INPP5A: variants seen among roughly 807,000 people sequenced by gnomAD.
INPP5A encodes 43 kDa inositol polyphosphate 5-phophatase.
In INPP5A, 14 loss-of-function variants were observed where a neutral mutation model predicts 65.2. That is an observed-to-expected ratio of 0.21 (90% CI 0.14 to 0.34). The LOEUF is 0.34. Ranked by LOEUF, INPP5A falls within the 10% of genes least tolerant of loss-of-function variation. The pLI is 1.00. For synonymous variants in INPP5A, 207 were observed against 208.3 expected (o/e 0.99, Z 0.05); for missense variants, 431 against 545.6 (o/e 0.79, Z 2.09).
chr10:132,736,420 A>G (rs542126965), intron 9 of INPP5A, among the ~76,000 whole-genome samples: 1 of 152,338 alleles, frequency 6.6e-6, no homozygotes, highest in East Asian at 1.9e-4. Context: ...CCAATCACTG[A>G]CAGGTACATG....
intron 9 of INPP5A, among the ~76,000 whole-genome samples, chr10:132,743,953 T>A (rs1254190405): frequency 6.6e-6 from 1 of 152,198 alleles, no homozygotes; most frequent in Non-Finnish European, 1.5e-5. Context: ...ATTCCATCCT[T>A]GGAACAGAGG....
chr10:132,712,211 GTGTGTGCATGCCTGAGTGTGCACACCT>G (rs1297693900), intron 8 of INPP5A, among the ~76,000 whole-genome samples: 3 of 152,096 alleles, frequency 2.0e-5, no homozygotes, highest in Non-Finnish European at 2.9e-5. Flanking sequence ...GTGCCTGTGC[GTGTGTGCATGCCTGAGTGTGCACACCT>G]TGTGTGCATG....
At chr10:132,731,896 A>G (rs1264871355) in intron 9 of INPP5A, among the ~76,000 whole-genome samples, 2 of 152,222 alleles carry the variant, frequency 1.3e-5, no homozygotes, top group African/African-American at 2.4e-5. Flanking sequence ...TGGCACCAGA[A>G]TTGGACACCA....
chr10:132,756,120 C>T (rs1043130545), intron 11 of INPP5A, among the ~76,000 whole-genome samples: 1 of 152,162 alleles, frequency 6.6e-6, no homozygotes, highest in Non-Finnish European at 1.5e-5. Flanking sequence ...TCCGCCTGGC[C>T]TGGAATTCCT....
chr10:132,754,728 C>T (rs1351283648), intron 11 of INPP5A, among the ~76,000 whole-genome samples: 1 of 152,262 alleles, frequency 6.6e-6, no homozygotes, highest in African/African-American at 2.4e-5. Flanking sequence ...CGAGGAATCC[C>T]ATTCAGTCCC....
chr10:132,703,557 C>CCA (rs1170063634), intron 6 of INPP5A, among the ~76,000 whole-genome samples: 3 of 148,330 alleles, frequency 2.0e-5, no homozygotes, highest in African/African-American at 7.6e-5. Flanking sequence ...GTGGCTTCAC[C>CCA]CACACACACA....
At chr10:132,702,108 C>G (rs140139004) in intron 6 of INPP5A, among the ~76,000 whole-genome samples, 1 of 152,340 alleles carries the variant, frequency 6.6e-6, no homozygotes, top group Admixed American at 6.5e-5. Context: ...TAAAATCCCT[C>G]GAAACATAGT....
At chr10:132,600,749 A>G (rs1433925799) in intron 1 of INPP5A, among the ~76,000 whole-genome samples, 1 of 152,254 alleles carries the variant, frequency 6.6e-6, no homozygotes, top group African/African-American at 2.4e-5. Context: ...GAATCATGAC[A>G]GGAGACAAAA....
Position 132,782,104 on chromosome 10 carries a change from C to T in INPP5A, c.*75C>T, listed in dbSNP as rs755647748. 1.3e-6 allele frequency: 2 copies of T among 1,537,954 alleles called. No homozygotes were observed. The highest frequency in any genetic ancestry group is 1.8e-6 in the Non-Finnish European group (2 of 1,138,644). On this transcript the variant is annotated 3_prime_UTR_variant, in exon 16 of 16. Transcript: ENST00000368594. This position sits in a 1 kb window ranked among gnomAD's most constrained non-coding sequence, Gnocchi z 4.4. Reference sequence around the variant, plus strand: ...CCTGTAGCCGTGGACCGAATACGCACTCTTGAAAGCTGCATCGAGAACCCG... The same window carrying T: ...CCTGTAGCCGTGGACCGAATACGCATTCTTGAAAGCTGCATCGAGAACCCG...
At chr10:132,618,621 G>A (rs576552870) in intron 2 of INPP5A, among the ~76,000 whole-genome samples, 3 of 152,204 alleles carry the variant, frequency 2.0e-5, no homozygotes, top group Non-Finnish European at 4.4e-5. Context: ...AGAAATACCC[G>A]AGACTGGGTA....
chr10:132,752,111 G>GTGCCCAGGAGGCATCTGGGTGGAGGCGGC (rs1846495969), intron 11 of INPP5A, among the ~76,000 whole-genome samples: 1 of 144,302 alleles, frequency 6.9e-6, no homozygotes, highest in South Asian at 2.2e-4. Context: ...GTGGAGGCGG[G>GTGCCCAGGAGGCATCTGGGTGGAGGCGGC]TGCCCAGGAG....
chr10:132,739,801 C>G (rs2134615245), intron 9 of INPP5A, among the ~76,000 whole-genome samples: 1 of 152,280 alleles, frequency 6.6e-6, no homozygotes, highest in East Asian at 1.9e-4. Context: ...CTCGCCATGC[C>G]CCCTGCCAGG....
intron 4 of INPP5A, among the ~76,000 whole-genome samples, chr10:132,669,387 T>G (rs894814920): frequency 3.3e-5 from 5 of 152,106 alleles, no homozygotes; most frequent in African/African-American, 9.7e-5. Context: ...TGGCCTACTC[T>G]GAGGGGCACA....
intron 12 of INPP5A, among the ~76,000 whole-genome samples, chr10:132,774,998 AGAGGGGCAGAGAG>A (rs1847026787): frequency 1.3e-4 from 6 of 44,708 alleles, no homozygotes; most frequent in African/African-American, 1.9e-4. Context: ...CAGGGAGGAG[AGAGGGGCAGAGAG>A]GAGGGGCAGG....
intron 1 of INPP5A, among the ~76,000 whole-genome samples, chr10:132,556,484 C>G (rs1346072163): frequency 6.6e-6 from 1 of 152,180 alleles, no homozygotes; most frequent in Non-Finnish European, 1.5e-5. Context: ...ACTTGCACAC[C>G]ACAGGCACAC....
At chr10:132,720,019 G>A (rs1194150377) in intron 8 of INPP5A, among the ~76,000 whole-genome samples, 1 of 146,586 alleles carries the variant, frequency 6.8e-6, no homozygotes, top group Non-Finnish European at 1.5e-5. Flanking sequence ...CCTGGGTTCT[G>A]TCTGGGCGCC....
At chr10:132,656,110 G>A (rs915635583) in intron 4 of INPP5A, among the ~76,000 whole-genome samples, 13 of 152,272 alleles carry the variant, frequency 8.5e-5, no homozygotes, top group African/African-American at 2.9e-4. Context: ...TGGGGCCCAT[G>A]CCCAGGACTG....
chr10:132,619,304 A>G (rs1233509050), intron 2 of INPP5A, among the ~76,000 whole-genome samples: 1 of 152,240 alleles, frequency 6.6e-6, no homozygotes, highest in Non-Finnish European at 1.5e-5. Context: ...TAGGGCGGCT[A>G]TTAAATCTTA....
chr10:132,760,511 C>G (rs1473932501), intron 11 of INPP5A, among the ~76,000 whole-genome samples: 1 of 152,250 alleles, frequency 6.6e-6, no homozygotes, highest in South Asian at 2.1e-4. Context: ...GCTGTGAAAG[C>G]TCTGGGGTCA....
Sources: allele counts gnomAD v4.1 joint callset (sites outside exome capture counted in the v4.1 genomes callset), GRCh38; gene constraint gnomAD v4.1.1; non-coding constraint Gnocchi (gnomAD v3.1); transcripts MANE v1.5; gene names NCBI Gene and HGNC (gene_info 2026-07-23, HGNC 2026-07-21).